The following ABCG1 variants were observed in gnomAD, a reference collection of about 807,000 sequenced individuals.
ABCG1 encodes ATP-binding cassette sub-family G member 1.
Under a neutral mutation model 69.2 loss-of-function variants are expected in ABCG1, and 29 were observed. That is an observed-to-expected ratio of 0.42 (90% CI 0.31 to 0.57). The LOEUF is 0.57. ABCG1 is among the 20% of genes least tolerant of loss of function. The pLI is 0.15. For synonymous variants in ABCG1, 370 were observed against 374.8 expected, an observed-to-expected ratio of 0.99 and a Z score of 0.15; for missense variants, 718 against 898.1, an observed-to-expected ratio of 0.80 and a Z score of 2.56.
intron 2 of ABCG1, among the ~76,000 whole-genome samples, chr21:42,209,684 A>G (rs2067571010): frequency 6.6e-6 from 1 of 152,240 alleles, no homozygotes; most frequent in African/African-American, 2.4e-5. Context: ...TACTAGTTCA[A>G]GGTCAGAAGG....
At chr21:42,250,742 T>C (rs1034621925) in intron 2 of ABCG1, among the ~76,000 whole-genome samples, 3 of 152,228 alleles carry the variant, frequency 2.0e-5, no homozygotes, top group African/African-American at 7.2e-5. Context: ...TCATTTTCAC[T>C]GATGGGAACA....
chr21:42,284,647 C>G lies in ABCG1; in HGVS notation c.822C>G (p.His274Gln). 6.2e-7 allele frequency: 1 copy of G among 1,613,926 alleles called. No individual in the cohort carries two copies. Residue 274 changes from histidine to glutamine, a missense_variant, in exon 7 of 15, where the codon CAC (histidine) becomes CAG (glutamine). By Grantham distance (24) the His-to-Gln change is conservative (BLOSUM62 0). Transcript: ENST00000398449. Reference sequence around the variant, plus strand: ...GTCGCTCCATCATTTGCACCATCCACCAGCCCAGCGCCAAACTCTTCGAGC... The same window carrying G: ...GTCGCTCCATCATTTGCACCATCCAGCAGCCCAGCGCCAAACTCTTCGAGC... Reference protein sequence around the residue: ...QGGRSIICTIHQPSAKLFELF... With the variant: ...QGGRSIICTIQQPSAKLFELF...
upstream of ABCG1, among the ~76,000 whole-genome samples, chr21:42,211,725 C>G (rs956494580): frequency 7.3e-6 from 1 of 137,662 alleles, no homozygotes; most frequent in African/African-American, 2.7e-5. Flanking sequence ...ACTAAAAATA[C>G]AAAAAAAAAA....
intron 2 of ABCG1, among the ~76,000 whole-genome samples, chr21:42,236,425 C>T (rs1163202716): frequency 6.6e-6 from 1 of 152,320 alleles, no homozygotes; most frequent in Admixed American, 6.5e-5. Flanking sequence ...TCAGTGGAGT[C>T]GGAGGTGCCA....
At chr21:42,243,487 T>TGC (rs1162661110) in intron 2 of ABCG1, among the ~76,000 whole-genome samples, 38 of 144,372 alleles carry the variant, frequency 2.6e-4, no homozygotes, top group Admixed American at 1.8e-3. Context: ...TGTGTGTGTG[T>TGC]GTGCGCTGGT....
At chr21:42,238,629 G>C (rs543782720) in intron 2 of ABCG1, among the ~76,000 whole-genome samples, 9 of 152,314 alleles carry the variant, frequency 5.9e-5, no homozygotes, top group African/African-American at 2.2e-4. Flanking sequence ...TGAGTTACTG[G>C]ATGGAAATTT....
At chr21:42,262,819 GAGA>G (rs2068436140) in intron 2 of ABCG1, among the ~76,000 whole-genome samples, 1 of 152,350 alleles carries the variant, frequency 6.6e-6, no homozygotes, top group African/African-American at 2.4e-5. Flanking sequence ...GTAAAAGATG[GAGA>G]AGAACACAGT....
chr21:42,240,604 C>T (rs1242689978), intron 2 of ABCG1, among the ~76,000 whole-genome samples: 1 of 152,230 alleles, frequency 6.6e-6, no homozygotes, highest in Non-Finnish European at 1.5e-5. Context: ...GCGCCCATCA[C>T]ACCCGGCTAA....
chr21:42,215,202 G>A (rs1405723069), upstream of ABCG1, among the ~76,000 whole-genome samples: 2 of 152,180 alleles, frequency 1.3e-5, no homozygotes, highest in Non-Finnish European at 2.9e-5. Context: ...TGGCCTGGCT[G>A]GTTGCAGAAA....
chr21:42,283,515 G>T (rs978880824), intron 6 of ABCG1, among the ~76,000 whole-genome samples: 1 of 152,206 alleles, frequency 6.6e-6, no homozygotes, highest in Non-Finnish European at 1.5e-5. Flanking sequence ...AAGCCCACCT[G>T]GGCTGCAGCA....
At chr21:42,204,780 G>A (rs1242810982) in intron 2 of ABCG1, among the ~76,000 whole-genome samples, 1 of 152,066 alleles carries the variant, frequency 6.6e-6, no homozygotes, top group Non-Finnish European at 1.5e-5. Context: ...TCGAACTCCT[G>A]GGCTCAAGAA....
chr21:42,273,289 C>T lies in ABCG1; in HGVS notation c.405-14C>T. ...GAGCCCGGCTGACGGCTTCTCCTGT[C>T]CTTGGTTCTGCAGGGAGACGGGCAT... On this transcript the variant is annotated splice_polypyrimidine_tract_variant and intron_variant, in intron 3 of 14. Coordinates refer to ENST00000398449, the MANE Select transcript of ABCG1 (RefSeq NM_016818.3). The surrounding 1 kb of genome is among the most constrained non-coding windows in gnomAD (Gnocchi z 5.3). The T allele has an allele frequency of 6.2e-7, 1 of 1,609,606 alleles. No individual in the cohort carries two copies. The highest frequency in any genetic ancestry group is 2.2e-5 in the East Asian group (1 of 44,774).
At chr21:42,233,782 C>G (rs2067935460) in intron 2 of ABCG1, among the ~76,000 whole-genome samples, 1 of 152,244 alleles carries the variant, frequency 6.6e-6, no homozygotes, top group South Asian at 2.1e-4. Flanking sequence ...TGGGCAGGCG[C>G]CCCTGCTGGA....
chr21:42,223,154 C>T lies in ABCG1; in HGVS notation c.43-2517C>T, dbSNP rs150283513. Among the ~76,000 whole-genome samples the T allele has an allele frequency of 9.8e-5, 15 of 152,332 alleles. No individual in the cohort carries two copies. The East Asian group carries it at 2.3e-3, about 24-fold the overall frequency. ...ACTCTCCTGCCCCGACCCTACCAGC[C>T]CAAATCCACGCTCCAGCCCCTGCGT... On this transcript the variant is annotated intron_variant, in intron 1 of 14. Coordinates refer to ENST00000398449, the MANE Select transcript of ABCG1 (RefSeq NM_016818.3).
At chr21:42,255,894 G>A (rs1601399829) in intron 2 of ABCG1, among the ~76,000 whole-genome samples, 3 of 152,294 alleles carry the variant, frequency 2.0e-5, no homozygotes, top group East Asian at 1.9e-4. Context: ...GCAGAGAATG[G>A]GGCTATGGTT....
At chr21:42,215,917 T>C (rs532746549), upstream of ABCG1, among the ~76,000 whole-genome samples, 1 of 152,334 alleles carries the variant, frequency 6.6e-6, no homozygotes, top group Admixed American at 6.5e-5. Flanking sequence ...GAGGTAGTGA[T>C]ATAGTTTGGC....
Position 42,291,469 on chromosome 21 carries a change from G to C in ABCG1, c.1495-29G>C. The stretch of plus-strand genomic sequence containing the variant: ...GCCTGCTGTGGTGGGAAGCGGCTGA[G>C]CCCGCGGCTGACGGGTCCTTGTTTC... On this transcript the variant is annotated intron_variant, in intron 12 of 14. Transcript: ENST00000398449. The surrounding 1 kb of genome is among the most constrained non-coding windows in gnomAD (Gnocchi z 6.4). The C allele has an allele frequency of 6.3e-7, 1 of 1,592,268 alleles. No homozygotes were observed. The highest frequency in any genetic ancestry group is 1.1e-5 in the South Asian group (1 of 88,920).
At chr21:42,228,317 C>T (rs925262292) in intron 2 of ABCG1, among the ~76,000 whole-genome samples, 1 of 152,150 alleles carries the variant, frequency 6.6e-6, no homozygotes, top group Non-Finnish European at 1.5e-5. Flanking sequence ...CAGGATATGT[C>T]TGCTGTGTTC....
At chr21:42,292,603 C>T (rs1300670471) in intron 13 of ABCG1, among the ~76,000 whole-genome samples, 2 of 151,714 alleles carry the variant, frequency 1.3e-5, no homozygotes, top group East Asian at 3.9e-4. Flanking sequence ...GACCACACTA[C>T]ACACTACACA....
Sources: allele counts gnomAD v4.1 joint callset (sites outside exome capture counted in the v4.1 genomes callset), GRCh38; gene constraint gnomAD v4.1.1; non-coding constraint Gnocchi (gnomAD v3.1); transcripts MANE v1.5; gene names NCBI Gene and HGNC (gene_info 2026-07-23, HGNC 2026-07-21).